Variants in TMCC1 observed in about 807,000 individuals in gnomAD.
TMCC1 encodes the protein transmembrane and coiled-coil domains protein 1.
TMCC1 carries 15 observed loss-of-function variants against 52.4 expected under a neutral mutation model. That is an observed-to-expected ratio of 0.29 (90% CI 0.19 to 0.44). The LOEUF (loss-of-function observed/expected upper bound fraction) is 0.44. Ranked by LOEUF, TMCC1 falls within the 20% of genes least tolerant of loss-of-function variation. The pLI, the probability that TMCC1 is intolerant of heterozygous loss-of-function variation, is 1.00. For missense variants in TMCC1, 503 were observed against 806.0 expected, an observed-to-expected ratio of 0.62 and a Z score of 4.55; for synonymous variants, 279 against 301.9, an observed-to-expected ratio of 0.92 and a Z score of 0.79.
chr3:129,651,442 C>A lies in TMCC1; in HGVS notation c.*39G>T. 1.3e-6 allele frequency: 2 copies of A among 1,581,812 alleles called. No individual in the cohort carries two copies. Among genetic ancestry groups the A allele is most frequent in the Non-Finnish European group, 1.7e-6 (2 of 1,160,832 alleles). Reference sequence around the variant, plus strand: ...GCTGTCTAACTCTCTGCTGCATGCACTCGCCAGAGGGTAGGGAACAATGCC... The same window carrying A: ...GCTGTCTAACTCTCTGCTGCATGCAATCGCCAGAGGGTAGGGAACAATGCC... On this transcript the variant is annotated 3_prime_UTR_variant, in exon 7 of 7. Transcript: ENST00000393238. This position sits in a 1 kb window ranked among gnomAD's most constrained non-coding sequence, Gnocchi z 5.1.
intron 4 of TMCC1, among the ~76,000 whole-genome samples, chr3:129,717,889 ACATCAGTC>A (rs923076216): frequency 8.5e-5 from 13 of 152,230 alleles, no homozygotes; most frequent in African/African-American, 2.9e-4. Context: ...AAGTCAAATC[ACATCAGTC>A]CTCTGCTTAA....
At chr3:129,785,798 C>T (rs2055973658) in intron 4 of TMCC1, among the ~76,000 whole-genome samples, 1 of 152,080 alleles carries the variant, frequency 6.6e-6, no homozygotes, top group Admixed American at 6.6e-5. Context: ...AGATTTACCC[C>T]TCTATTCCCT....
chr3:129,714,934 T>C (rs2048957423), intron 4 of TMCC1, among the ~76,000 whole-genome samples: 1 of 152,208 alleles, frequency 6.6e-6, no homozygotes, highest in Non-Finnish European at 1.5e-5. Context: ...TTCCTGGGCT[T>C]ACAGAGCTCA....
At chr3:129,686,963 A>C (rs2089451309) in intron 4 of TMCC1, among the ~76,000 whole-genome samples, 1 of 152,216 alleles carries the variant, frequency 6.6e-6, no homozygotes, top group South Asian at 2.1e-4. Flanking sequence ...AAAGAGAAAA[A>C]TAAAAAGGAT....
intron 4 of TMCC1, among the ~76,000 whole-genome samples, chr3:129,701,357 T>C (rs183743972): frequency 6.6e-6 from 1 of 152,344 alleles, no homozygotes; most frequent in Admixed American, 6.5e-5. Context: ...GCAATCACAC[T>C]TCAGCTAGAA....
intron 5 of TMCC1, among the ~76,000 whole-genome samples, chr3:129,666,971 A>G (rs1576368927): frequency 6.6e-6 from 1 of 151,428 alleles, no homozygotes; most frequent in African/African-American, 2.4e-5. Context: ...GCATGATCTC[A>G]GCTCACTGCA....
intron 4 of TMCC1, among the ~76,000 whole-genome samples, chr3:129,746,917 T>C (rs1042337624): frequency 4.6e-5 from 7 of 152,200 alleles, no homozygotes; most frequent in Admixed American, 6.5e-5. Flanking sequence ...TTTTTTAACA[T>C]TGGGCAACCT....
chr3:129,720,566 T>C (rs751837106), intron 4 of TMCC1, among the ~76,000 whole-genome samples: 2 of 152,088 alleles, frequency 1.3e-5, no homozygotes, highest in Non-Finnish European at 2.9e-5. Flanking sequence ...TCTTAGACCA[T>C]CTAGGTCCAC....
At chr3:129,810,657 A>G (rs914474283) in intron 4 of TMCC1, among the ~76,000 whole-genome samples, 18 of 152,268 alleles carry the variant, frequency 1.2e-4, no homozygotes, top group African/African-American at 4.3e-4. Context: ...ATTCTATGGT[A>G]TAACTCATCA....
chr3:129,717,442 T>G (rs1019794734), intron 4 of TMCC1, among the ~76,000 whole-genome samples: 1 of 152,314 alleles, frequency 6.6e-6, no homozygotes, highest in East Asian at 1.9e-4. Context: ...TAATTACATT[T>G]TCTGCCTAGA....
chr3:129,760,435 T>TGTG (rs1560352736), intron 4 of TMCC1, among the ~76,000 whole-genome samples: 12 of 135,134 alleles, frequency 8.9e-5, no homozygotes, highest in Admixed American at 4.3e-4. Context: ...TGTGTGTGTG[T>TGTG]TTTTGAGACA....
chr3:129,891,304 C>T (rs2061954276), intron 1 of TMCC1, among the ~76,000 whole-genome samples: 1 of 152,198 alleles, frequency 6.6e-6, no homozygotes, highest in Non-Finnish European at 1.5e-5. Flanking sequence ...AGGCCAAATC[C>T]ACCTTGCCCC....
chr3:129,704,342 C>T (rs1560225696), intron 4 of TMCC1, among the ~76,000 whole-genome samples: 1 of 152,184 alleles, frequency 6.6e-6, no homozygotes, highest in Non-Finnish European at 1.5e-5. Context: ...CATAAGATGA[C>T]AAATATGAAG....
intron 2 of TMCC1, among the ~76,000 whole-genome samples, chr3:129,845,034 C>T (rs1286117745): frequency 6.6e-6 from 1 of 151,964 alleles, no homozygotes; most frequent in African/African-American, 2.4e-5. Context: ...CTACAAAACA[C>T]AAAAATTAGG....
chr3:129,837,995 G>A (rs902883179), intron 2 of TMCC1, among the ~76,000 whole-genome samples: 1 of 152,146 alleles, frequency 6.6e-6, no homozygotes, highest in East Asian at 1.9e-4. Context: ...TTCCCACCTG[G>A]AGAACATACA....
At chr3:129,699,897 C>A (rs1379621596) in intron 4 of TMCC1, among the ~76,000 whole-genome samples, 1 of 152,164 alleles carries the variant, frequency 6.6e-6, no homozygotes, top group Non-Finnish European at 1.5e-5. Context: ...GCCTGGGAGA[C>A]AGAGTGAAAT....
intron 4 of TMCC1, among the ~76,000 whole-genome samples, chr3:129,735,510 G>A (rs1009402710): frequency 6.6e-6 from 1 of 151,970 alleles, no homozygotes; most frequent in African/African-American, 2.4e-5. Context: ...ATAGCCAGGT[G>A]TTGTGGCACG....
intron 4 of TMCC1, among the ~76,000 whole-genome samples, chr3:129,761,104 T>C (rs552507700): frequency 2.6e-5 from 4 of 151,630 alleles, no homozygotes; most frequent in Admixed American, 2.0e-4. Context: ...GGCGGGCGGA[T>C]CACGAGGTCG....
chr3:129,766,741 C>T (rs2054160128), intron 4 of TMCC1, among the ~76,000 whole-genome samples: 1 of 151,988 alleles, frequency 6.6e-6, no homozygotes, highest in Non-Finnish European at 1.5e-5. Context: ...ACCTCAGCCT[C>T]TCTAGTAGCT....
Sources: gnomAD v4.1 joint callset for allele counts (sites outside exome capture counted in the v4.1 genomes callset) on GRCh38, gnomAD v4.1.1 for gene constraint, Gnocchi (gnomAD v3.1) non-coding constraint, MANE v1.5 for transcripts, NCBI Gene and HGNC (gene_info 2026-07-23, HGNC 2026-07-21) for gene names.